The following SACS variants were observed in gnomAD, a reference collection of about 807,000 sequenced individuals.
SACS encodes the protein sacsin molecular chaperone.
SACS carries 197 observed loss-of-function variants against 348.0 expected under a neutral mutation model. That is an observed-to-expected ratio of 0.57 (90% CI 0.50 to 0.64). The LOEUF (loss-of-function observed/expected upper bound fraction) is 0.64. SACS is among the 30% of genes least tolerant of loss of function. SACS has a pLI of 0.00. For missense variants in SACS, 4,999 were observed against 5,360.8 expected (o/e 0.93, Z 2.11); for synonymous variants, 1,985 against 1,910.6 (o/e 1.04, Z -1.02).
intron 1 of SACS, among the ~76,000 whole-genome samples, chr13:23,415,110 C>A (rs766845652): frequency 3.9e-5 from 6 of 152,130 alleles, no homozygotes; most frequent in Non-Finnish European, 7.4e-5. Flanking sequence ...TGGCTCACTG[C>A]AACTTCCGCC....
intron 2 of SACS, among the ~76,000 whole-genome samples, chr13:23,400,984 AT>A (rs1281481551): frequency 8.7e-5 from 3 of 34,344 alleles, no homozygotes; most frequent in African/African-American, 2.2e-4. Context: ...TAAAAAGCGT[AT>A]CAAATAAAAA....
chr13:23,367,110 TACC>T (rs1809396799), intron 5 of SACS, among the ~76,000 whole-genome samples: 1 of 152,258 alleles, frequency 6.6e-6, no homozygotes, highest in Non-Finnish European at 1.5e-5. Flanking sequence ...CTACTCCTGT[TACC>T]ACTATACCTT....
At chr13:23,369,340 A>C (rs1302488566) in intron 4 of SACS, among the ~76,000 whole-genome samples, 1 of 152,208 alleles carries the variant, frequency 6.6e-6, no homozygotes, top group Non-Finnish European at 1.5e-5. Context: ...CCTTCAGACA[A>C]GTGACAGGGC....
Position 23,340,408 on chromosome 13 carries a change from C to T in SACS, c.3468G>A (p.Trp1156Ter). ...GAGGCCTTTCCTTGCAGGCTGGAAC[C>T]CATTTTATTTTCTTCAATGTCATCT... The part of the protein sequence containing the change: ...EGKMTLKKIK[W>*]VPACKERPPN... The change falls in exon 10 of 10, where the codon TGG becomes TGA. Residue 1156 changes from tryptophan (W) to a stop codon, truncating the protein, a stop_gained. Coordinates refer to ENST00000382292, the MANE Select transcript of SACS (RefSeq NM_014363.6). LOFTEE classifies it high-confidence loss of function. 6.2e-7 allele frequency: 1 copy of T among 1,614,078 alleles called. No individual in the cohort carries two copies. The highest frequency in any genetic ancestry group is 8.5e-7 in the Non-Finnish European group (1 of 1,179,996).
intron 2 of SACS, among the ~76,000 whole-genome samples, chr13:23,378,106 A>C (rs982929459): frequency 4.6e-5 from 7 of 152,216 alleles, no homozygotes; most frequent in African/African-American, 1.7e-4. Flanking sequence ...AGGGCATTAC[A>C]AATTCCCTAG....
intron 1 of SACS, among the ~76,000 whole-genome samples, chr13:23,420,927 C>G (rs1166199334): frequency 6.6e-6 from 1 of 151,914 alleles, no homozygotes; most frequent in East Asian, 1.9e-4. Flanking sequence ...GGCCTCAGTG[C>G]CCACTTGGGG....
chr13:23,410,550 A>G (rs781714140), intron 2 of SACS, among the ~76,000 whole-genome samples: 5 of 152,214 alleles, frequency 3.3e-5, no homozygotes, highest in African/African-American at 4.8e-5. Context: ...CCTGATCTCT[A>G]TGGCACTAAA....
Position 23,337,871 on chromosome 13 carries a change from CTTCTT to C in SACS, c.6000_6004del (p.Arg2002CysfsTer25), listed in dbSNP as rs773754134. ...CTTGAAGGCTGCTGAACCAACATCT[CTTCTT>C]TTAAGTATAGAGTCATCTAGAAATC... On this transcript the variant is annotated frameshift_variant, in exon 10 of 10. Coordinates refer to ENST00000382292, the MANE Select transcript of SACS (RefSeq NM_014363.6). LOFTEE classifies it high-confidence loss of function. 9.9e-6 allele frequency: 16 copies of C among 1,613,788 alleles called. No homozygotes were observed. The highest frequency in any genetic ancestry group is 1.3e-5 in the Non-Finnish European group (15 of 1,179,964).
intron 2 of SACS, among the ~76,000 whole-genome samples, chr13:23,387,463 GAAAAAAAAA>G (rs60355580): frequency 2.2e-5 from 2 of 91,368 alleles, no homozygotes; most frequent in African/African-American, 9.7e-5. Flanking sequence ...CTCCGTCTCA[GAAAAAAAAA>G]AAAAAAAAAA....
In SACS at chr13:23,379,884, A is replaced by G. The variant is rs146769066; in HGVS notation, c.21-4615T>C. Among the ~76,000 whole-genome samples, 286 of 152,262 alleles carry G rather than the reference A, an allele frequency of 1.9e-3. 1 individual carries two copies. The highest frequency in any genetic ancestry group is 5.3e-3 in the African/African-American group (222 of 41,532). On this transcript the variant is annotated intron_variant, in intron 2 of 9. Coordinates refer to ENST00000382292, the MANE Select transcript of SACS (RefSeq NM_014363.6). ...TTCCCTGGGCTACCACCATGGCTTT[A>G]TGCCCCAGGCAGGACAGACACTGCC... is the stretch of plus-strand genomic sequence containing the variant.
chr13:23,343,556 G>A (rs925307536), intron 9 of SACS, among the ~76,000 whole-genome samples: 1 of 152,120 alleles, frequency 6.6e-6, no homozygotes, highest in Non-Finnish European at 1.5e-5. Flanking sequence ...GTGGTGGCAG[G>A]CACCTGTAGT....
rs876657721 is a variant in SACS at position 23,335,332 on chromosome 13, GAA to G, written c.8542_8543del (p.Phe2848ProfsTer14). 6.2e-7 allele frequency: 1 copy of G among 1,613,880 alleles called. No homozygotes were observed. Among genetic ancestry groups the G allele is most frequent in the Non-Finnish European group, 8.5e-7 (1 of 1,179,882 alleles). ...SAHKNQDITL[F>X]PRGGVAACIT... Reference sequence around the variant, plus strand: ...TGCAGGCAGCTACTCCACCACGTGGGAAAAGAGTAATATCTTGGTTCTTGTGA... The same window carrying G: ...TGCAGGCAGCTACTCCACCACGTGGGAAGAGTAATATCTTGGTTCTTGTGA... On this transcript the variant is annotated frameshift_variant, in exon 10 of 10. Transcript: ENST00000382292. LOFTEE classifies it high-confidence loss of function. This position sits in a 1 kb window ranked among gnomAD's most constrained non-coding sequence, Gnocchi z 4.7.
chr13:23,364,570 C>T (rs1008429840), intron 6 of SACS, among the ~76,000 whole-genome samples: 7 of 152,176 alleles, frequency 4.6e-5, no homozygotes, highest in East Asian at 3.8e-4. Flanking sequence ...CGTGAGCCAC[C>T]GCACCCAGCC....
intron 9 of SACS, among the ~76,000 whole-genome samples, chr13:23,348,399 G>A (rs1244348194): frequency 6.6e-6 from 1 of 152,116 alleles, no homozygotes; most frequent in East Asian, 1.9e-4. Flanking sequence ...TGGCCTCTGC[G>A]CCCCATCTCC....
At position 23,354,976 on chromosome 13, in the gene SACS, G is replaced by A; in HGVS notation, c.1636C>T (p.Gln546Ter). ...PEASKVKVHW[Q>*]PVLEPLFSEL... ...CTGAATAGAGGCTCTAACACCGGTT[G>A]CCAGTGCACCTTGACTTTGCTCGCC... The change falls in exon 8 of 10, where the codon CAA becomes TAA. Residue 546 changes from glutamine to a stop codon, truncating the protein, a stop_gained. Coordinates refer to ENST00000382292, the MANE Select transcript of SACS (RefSeq NM_014363.6). LOFTEE classifies it high-confidence loss of function. 2 of 1,614,212 alleles carry A rather than the reference G, an allele frequency of 1.2e-6. No individual in the cohort carries two copies. The highest frequency in any genetic ancestry group is 1.7e-6 in the Non-Finnish European group (2 of 1,180,044).
At chr13:23,364,363 C>T (rs961664418) in intron 6 of SACS, among the ~76,000 whole-genome samples, 2 of 152,116 alleles carry the variant, frequency 1.3e-5, no homozygotes, top group Non-Finnish European at 2.9e-5. Flanking sequence ...TCACTACAAC[C>T]TCCGCCTCCC....
In SACS at chr13:23,355,531, T is replaced by C. The variant is rs377027736; in HGVS notation, c.1081A>G (p.Lys361Glu). Reference sequence around the variant, plus strand: ...GTGATGTTATTGCTTGGAGTCTTTTTACAATAGTTACTTATAGCAGTTCCC... The same window carrying C: ...GTGATGTTATTGCTTGGAGTCTTTTCACAATAGTTACTTATAGCAGTTCCC... ...ILGTAISNYC[K>E]KTPSNNITCV... is the part of the protein sequence containing the mutation. The change falls in exon 8 of 10, where the codon AAA becomes GAA. Residue 361 changes from lysine (K) to glutamate (E), a missense_variant. Lys to Glu is a moderately conservative substitution (Grantham distance 56). Transcript: ENST00000382292. 1.2e-4 allele frequency: 198 copies of C among 1,614,056 alleles called. No homozygotes were observed. Among genetic ancestry groups the C allele is most frequent in the Non-Finnish European group, 1.1e-4 (129 of 1,180,028 alleles).
chr13:23,364,899 A>C (rs1870967544), intron 6 of SACS, among the ~76,000 whole-genome samples: 1 of 152,206 alleles, frequency 6.6e-6, no homozygotes, highest in African/African-American at 2.4e-5. Flanking sequence ...GATAATATAA[A>C]ATACAAGTTG....
intron 1 of SACS, among the ~76,000 whole-genome samples, chr13:23,414,314 A>G (rs944347554): frequency 3.3e-5 from 5 of 152,214 alleles, no homozygotes; most frequent in African/African-American, 7.2e-5. Flanking sequence ...AAAAAGAAAA[A>G]AAAGTATGAA....
Sources: gnomAD v4.1 joint callset for allele counts (sites outside exome capture counted in the v4.1 genomes callset) on GRCh38, gnomAD v4.1.1 for gene constraint, Gnocchi (gnomAD v3.1) non-coding constraint, MANE v1.5 for transcripts, NCBI Gene and HGNC (gene_info 2026-07-23, HGNC 2026-07-21) for gene names.